The following ZNF678 variants were observed in gnomAD, a reference collection of about 807,000 sequenced individuals.
ZNF678 encodes the protein hypothetical protein MGC42493.
A neutral mutation model predicts 3.0 loss-of-function variants in ZNF678; 5 were observed. The ratio of observed to expected loss-of-function variants is 1.69; its 90% CI spans 0.88 to 3.56. The LOEUF is 3.56. Ranked by LOEUF, ZNF678 falls within the 30% of genes most tolerant of loss-of-function variation. ZNF678 has a pLI of 0.00. For missense variants in ZNF678, 593 were observed against 605.0 expected (o/e 0.98, Z 0.21); for synonymous variants, 218 against 199.6 (o/e 1.09, Z -0.78).
intron 1 of ZNF678, among the ~76,000 whole-genome samples, chr1:227,579,753 A>T (rs1323510344): frequency 1.3e-5 from 2 of 152,188 alleles, no homozygotes. Flanking sequence ...GCCCCAGGAC[A>T]GGCCAGCAGA....
chr1:227,631,690 T>C (rs1658550346), intron 1 of ZNF678, among the ~76,000 whole-genome samples: 2 of 152,212 alleles, frequency 1.3e-5, no homozygotes, highest in South Asian at 4.1e-4. Context: ...ACTTATCCTA[T>C]GTGCCTTTTT....
chr1:227,577,312 A>G (rs987361788), intron 1 of ZNF678, among the ~76,000 whole-genome samples: 2 of 152,062 alleles, frequency 1.3e-5, no homozygotes, highest in Admixed American at 1.3e-4. Flanking sequence ...TTCTGTCTCA[A>G]TGATCTAATA....
chr1:227,638,518 G>A lies in ZNF678; in HGVS notation c.-163-8026G>A, dbSNP rs1273867588. Among the ~76,000 whole-genome samples, 3 of 152,168 alleles carry A rather than the reference G, an allele frequency of 2.0e-5. No homozygotes were observed. The highest frequency in any genetic ancestry group is 1.9e-4 in the East Asian group (1 of 5,184). ...GATAGAAACTGGGTGGGCTCTTTAA[G>A]GGTAATGCAGACGGTGGTGTGGTGT... On this transcript the variant is annotated intron_variant, in intron 1 of 3. Coordinates refer to ENST00000343776, the MANE Select transcript of ZNF678 (RefSeq NM_001367909.1). This position sits in a 1 kb window ranked among gnomAD's most constrained non-coding sequence, Gnocchi z 4.2.
intron 2 of ZNF678, among the ~76,000 whole-genome samples, chr1:227,650,471 G>A (rs1267933495): frequency 1.3e-5 from 2 of 151,988 alleles, no homozygotes; most frequent in Non-Finnish European, 2.9e-5. Context: ...ACTATTCAAT[G>A]TCTTGTAATG....
rs558600959 is a variant in ZNF678, at chr1:227,617,971, G to A, written c.-163-28573G>A. 7.9e-5 allele frequency among the ~76,000 whole-genome samples: 12 copies of A among 152,208 alleles called. No individual in the cohort carries two copies. In the South Asian group the frequency reaches 1.7e-3, roughly 21 times the overall value. The stretch of plus-strand genomic sequence containing the variant: ...AGTGGCCATGGTCTCTGGGAAGGAG[G>A]TTATGCATGGACACAGCAGAATAAA... On this transcript the variant is annotated intron_variant, in intron 1 of 3. Transcript: ENST00000343776.
chr1:227,625,339 T>C (rs1359398711), intron 1 of ZNF678, among the ~76,000 whole-genome samples: 1 of 152,112 alleles, frequency 6.6e-6, no homozygotes, highest in African/African-American at 2.4e-5. Flanking sequence ...TCGCTCTAAC[T>C]GCTTCCTGCT....
chr1:227,636,782 T>G (rs1415205892), intron 1 of ZNF678, among the ~76,000 whole-genome samples: 1 of 152,238 alleles, frequency 6.6e-6, no homozygotes, highest in African/African-American at 2.4e-5. Context: ...GTCCTTGGAC[T>G]CTCACTGCAG....
At chr1:227,609,895 A>C (rs1326013910) in intron 1 of ZNF678, among the ~76,000 whole-genome samples, 1 of 152,002 alleles carries the variant, frequency 6.6e-6, no homozygotes, top group African/African-American at 2.4e-5. Context: ...CACCACGCCC[A>C]GCTAATTTTT....
Position 227,655,708 on chromosome 1 carries a change from G to A in ZNF678, c.1458G>A (p.Glu486=). Reference sequence around the variant, plus strand: ...GTCATAAAAGAATTCATACTGGAGAGAAACGCTACAAATGTAAAGAATGTG... The same window carrying A: ...GTCATAAAAGAATTCATACTGGAGAAAAACGCTACAAATGTAAAGAATGTG... ...LTRHKRIHTG[E]KRYKCKECGK... Residue 486 remains glutamate, a synonymous_variant, in exon 4 of 4, where the codon GAG becomes GAA. Coordinates refer to ENST00000343776, the MANE Select transcript of ZNF678 (RefSeq NM_001367909.1). The A allele has an allele frequency of 6.2e-7, 1 of 1,612,698 alleles. No individual in the cohort carries two copies. Among genetic ancestry groups the A allele is most frequent in the East Asian group, 2.2e-5 (1 of 44,810 alleles).
At chr1:227,673,106 T>TA (rs1659627966) in intron 5 of ZNF678, among the ~76,000 whole-genome samples, 1 of 152,122 alleles carries the variant, frequency 6.6e-6, no homozygotes. Context: ...AACACCACAC[T>TA]ATGCCAGGAA....
intron 1 of ZNF678, among the ~76,000 whole-genome samples, chr1:227,568,359 G>T (rs1328677249): frequency 6.6e-6 from 1 of 151,178 alleles, no homozygotes; most frequent in Non-Finnish European, 1.5e-5. Flanking sequence ...GATTGTTTAT[G>T]AGACAAAAAT....
chr1:227,619,431 T>G (rs1658219266), intron 1 of ZNF678, among the ~76,000 whole-genome samples: 1 of 152,170 alleles, frequency 6.6e-6, no homozygotes, highest in East Asian at 1.9e-4. Context: ...GTGGGAAATG[T>G]TGTGGGACGG....
intron 1 of ZNF678, among the ~76,000 whole-genome samples, chr1:227,623,404 C>T (rs1457447786): frequency 1.3e-5 from 2 of 152,210 alleles, no homozygotes. Context: ...AATAACTAAA[C>T]TTACCTGACA....
At chr1:227,619,758 G>T (rs778194955) in intron 1 of ZNF678, among the ~76,000 whole-genome samples, 22 of 151,862 alleles carry the variant, frequency 1.4e-4, no homozygotes, top group Non-Finnish European at 2.6e-4. Context: ...TGATCCGCCC[G>T]CCTTGGCCTC....
chr1:227,651,853 T>TA (rs1288737108), intron 3 of ZNF678, among the ~76,000 whole-genome samples: 9 of 152,110 alleles, frequency 5.9e-5, no homozygotes, highest in African/African-American at 2.2e-4. Context: ...GAATTACAAA[T>TA]ATGAGGTATG....
Position 227,612,160 on chromosome 1 carries a change from CATCT to C in ZNF678, c.-163-34380_-163-34377del, listed in dbSNP as rs201261342. Reference sequence around the variant, plus strand: ...GCCCAAGTCACATCTGGATGGGCAACATCTATCATCTGGCATCAGATAAACCCTT... The same window carrying C: ...GCCCAAGTCACATCTGGATGGGCAACATCATCTGGCATCAGATAAACCCTT... On this transcript the variant is annotated intron_variant, in intron 1 of 3. Transcript: ENST00000343776. 3.4e-3 allele frequency among the ~76,000 whole-genome samples: 518 copies of C among 152,274 alleles called. 13 individuals carry two copies. The highest frequency in any genetic ancestry group is 0.029 in the South Asian group (142 of 4,832).
At chr1:227,575,267 T>C (rs1255201873) in intron 1 of ZNF678, among the ~76,000 whole-genome samples, 1 of 152,198 alleles carries the variant, frequency 6.6e-6, no homozygotes, top group Non-Finnish European at 1.5e-5. Flanking sequence ...TAGTTTTCTC[T>C]AGTTCTGTGA....
intron 1 of ZNF678, among the ~76,000 whole-genome samples, chr1:227,593,684 T>C (rs2102741155): frequency 6.6e-6 from 1 of 152,250 alleles, no homozygotes. Flanking sequence ...GAAATTAACA[T>C]GGTTATGTTA....
At chr1:227,575,704 C>T (rs1656971167) in intron 1 of ZNF678, among the ~76,000 whole-genome samples, 1 of 151,998 alleles carries the variant, frequency 6.6e-6, no homozygotes, top group South Asian at 2.1e-4. Context: ...TATAGTTTGA[C>T]TTCCTGTCTT....
Sources: allele counts gnomAD v4.1 joint callset (sites outside exome capture counted in the v4.1 genomes callset), GRCh38; gene constraint gnomAD v4.1.1; non-coding constraint Gnocchi (gnomAD v3.1); transcripts MANE v1.5; gene names NCBI Gene and HGNC (gene_info 2026-07-23, HGNC 2026-07-21).